The following LRMDA variants were observed in gnomAD, a reference collection of about 807,000 sequenced individuals.
LRMDA encodes leucine rich melanocyte differentiation associated, also known as leucine-rich melanocyte differentiation-associated protein.
A neutral mutation model predicts 29.8 loss-of-function variants in LRMDA; 18 were observed. The ratio of observed to expected loss-of-function variants is 0.60; its 90% CI spans 0.42 to 0.90. LRMDA has a LOEUF of 0.90. LRMDA is among the 40% of genes least tolerant of loss of function. LRMDA has a pLI of 0.00. For synonymous variants in LRMDA, 125 were observed against 109.4 expected (o/e 1.14, Z -0.89); for missense variants, 273 against 273.9 (o/e 1.00, Z 0.02).
intron 2 of LRMDA, among the ~76,000 whole-genome samples, chr10:75,846,165 TTGTGTGTGTGTTTGTGTGTG>T (rs1844632176): frequency 8.6e-6 from 1 of 116,008 alleles, no homozygotes; most frequent in African/African-American, 3.4e-5. Flanking sequence ...TGTTACTTAT[TTGTGTGTGTGTTTGTGTGTG>T]TGTGTGTGTG....
chr10:75,993,661 A>G (rs1229487701), intron 2 of LRMDA, among the ~76,000 whole-genome samples: 2 of 151,954 alleles, frequency 1.3e-5, no homozygotes, highest in Non-Finnish European at 2.9e-5. Flanking sequence ...TGAACCCAGG[A>G]GGCAGAGGTT....
rs185907729 is a variant in LRMDA, at chr10:76,428,235, A to C, written c.601+103750A>C. Among the ~76,000 whole-genome samples, 364 of 152,218 alleles carry C rather than the reference A, an allele frequency of 2.4e-3. 2 individuals are homozygous for C. The highest frequency in any genetic ancestry group is 8.5e-3 in the African/African-American group (354 of 41,522). The stretch of plus-strand genomic sequence containing the variant: ...TTTATTGAATTAGTTCTTCATTGAG[A>C]GAGAGAGAGCATATCTAGGAGGAGC... On this transcript the variant is annotated intron_variant, in intron 6 of 6. Coordinates refer to ENST00000611255, the MANE Select transcript of LRMDA (RefSeq NM_001305581.2).
chr10:75,593,437 G>A lies in LRMDA; in HGVS notation c.131+154943G>A, dbSNP rs146225273. ...AGTCTGTTTGTTATACCTTTGTGGG[G>A]CTGCCACTGCTGCTGCTGATGGAAA... is the stretch of plus-strand genomic sequence containing the variant. On this transcript the variant is annotated intron_variant, in intron 2 of 6. Transcript: ENST00000611255. Among the ~76,000 whole-genome samples, 957 of 152,310 alleles carry A rather than the reference G, an allele frequency of 6.3e-3. 13 individuals carry two copies. Among genetic ancestry groups the A allele is most frequent in the African/African-American group, 0.021 (892 of 41,576 alleles).
intron 2 of LRMDA, among the ~76,000 whole-genome samples, chr10:75,616,234 T>TAGCAGTAGC (rs1554816093): frequency 2.7e-5 from 4 of 146,714 alleles, no homozygotes; most frequent in South Asian, 2.1e-4. Context: ...ACAGTAATAG[T>TAGCAGTAGC]AGCAGTAGCA....
chr10:76,238,812 T>A (rs1852212858), intron 5 of LRMDA, among the ~76,000 whole-genome samples: 1 of 152,058 alleles, frequency 6.6e-6, no homozygotes, highest in Non-Finnish European at 1.5e-5. Flanking sequence ...TTTTTTTAAT[T>A]TGATCACATA....
chr10:75,517,500 T>C (rs962810989), intron 2 of LRMDA, among the ~76,000 whole-genome samples: 30 of 152,194 alleles, frequency 2.0e-4, no homozygotes, highest in African/African-American at 6.3e-4. Flanking sequence ...GGCTGTCTGT[T>C]TGTCTGTTAT....
intron 6 of LRMDA, among the ~76,000 whole-genome samples, chr10:76,520,202 A>G (rs1469073934): frequency 2.0e-5 from 3 of 151,764 alleles, no homozygotes; most frequent in Non-Finnish European, 4.4e-5. Flanking sequence ...TTATCATAGT[A>G]TATATTATTT....
chr10:75,841,528 G>A (rs1034957321), intron 2 of LRMDA, among the ~76,000 whole-genome samples: 4 of 152,182 alleles, frequency 2.6e-5, no homozygotes, highest in Admixed American at 2.6e-4. Context: ...GAGTATATAT[G>A]TGGAGACTTT....
At chr10:75,575,461 G>T (rs1026317682) in intron 2 of LRMDA, among the ~76,000 whole-genome samples, 3 of 152,154 alleles carry the variant, frequency 2.0e-5, no homozygotes, top group Non-Finnish European at 4.4e-5. Flanking sequence ...ACAGAATAGG[G>T]GTATAGGCAT....
At chr10:75,789,488 T>C (rs939994357) in intron 2 of LRMDA, among the ~76,000 whole-genome samples, 1 of 152,218 alleles carries the variant, frequency 6.6e-6, no homozygotes, top group East Asian at 1.9e-4. Context: ...GGAAAATTAT[T>C]CATTTCACTG....
intron 2 of LRMDA, among the ~76,000 whole-genome samples, chr10:75,937,112 C>G (rs1357238711): frequency 6.6e-6 from 1 of 152,088 alleles, no homozygotes. Flanking sequence ...AAACCAGTTA[C>G]CAGTTCCAAG....
intron 6 of LRMDA, among the ~76,000 whole-genome samples, chr10:76,493,595 T>C (rs1235950319): frequency 1.3e-5 from 2 of 152,172 alleles, no homozygotes; most frequent in Non-Finnish European, 2.9e-5. Context: ...TTCATTAACC[T>C]ATATTTCTAT....
chr10:76,514,079 G>A (rs753877490), intron 6 of LRMDA, among the ~76,000 whole-genome samples: 4 of 152,136 alleles, frequency 2.6e-5, no homozygotes, highest in Non-Finnish European at 4.4e-5. Flanking sequence ...CACAAAGATA[G>A]GCCCAGGCTG....
chr10:75,822,983 C>G (rs1844187765), intron 2 of LRMDA, among the ~76,000 whole-genome samples: 1 of 152,094 alleles, frequency 6.6e-6, no homozygotes, highest in Non-Finnish European at 1.5e-5. Flanking sequence ...AAAATGAGCT[C>G]AAGATGGATT....
chr10:75,956,024 G>A (rs1846657875), intron 2 of LRMDA, among the ~76,000 whole-genome samples: 1 of 152,174 alleles, frequency 6.6e-6, no homozygotes, highest in Admixed American at 6.5e-5. Flanking sequence ...CTATGGGCAA[G>A]GGATTTAGTA....
At chr10:75,695,945 C>G (rs964912585) in intron 2 of LRMDA, among the ~76,000 whole-genome samples, 3 of 151,978 alleles carry the variant, frequency 2.0e-5, no homozygotes, top group Non-Finnish European at 4.4e-5. Context: ...TGGACATATA[C>G]GTTGAAAAGT....
intron 6 of LRMDA, among the ~76,000 whole-genome samples, chr10:76,508,566 T>C (rs1481268286): frequency 6.6e-6 from 1 of 152,192 alleles, no homozygotes; most frequent in Non-Finnish European, 1.5e-5. Flanking sequence ...GATTTGCCCA[T>C]TGGGAGACTG....
At chr10:75,532,571 G>A (rs1845490263) in intron 2 of LRMDA, among the ~76,000 whole-genome samples, 1 of 152,160 alleles carries the variant, frequency 6.6e-6, no homozygotes, top group Non-Finnish European at 1.5e-5. Flanking sequence ...GCTGGAGAGA[G>A]GACTGGTGGT....
At chr10:76,095,159 C>T (rs892779527) in intron 5 of LRMDA, among the ~76,000 whole-genome samples, 1 of 152,210 alleles carries the variant, frequency 6.6e-6, no homozygotes, top group Admixed American at 6.5e-5. Flanking sequence ...TCCCTACCAT[C>T]CCCACTTCCT....
Sources: allele counts gnomAD v4.1 joint callset (sites outside exome capture counted in the v4.1 genomes callset), GRCh38; gene constraint gnomAD v4.1.1; transcripts MANE v1.5; gene names NCBI Gene and HGNC (gene_info 2026-07-23, HGNC 2026-07-21).